The following SGCD variants were observed in gnomAD, a reference collection of about 807,000 sequenced individuals.
The protein encoded by SGCD is sarcoglycan delta, also known as delta-sarcoglycan.
Under a neutral mutation model 36.6 loss-of-function variants are expected in SGCD, and 18 were observed. The observed-to-expected ratio is 0.49, with a 90% CI of 0.34 to 0.73. The LOEUF (loss-of-function observed/expected upper bound fraction) is 0.73, where lower values mean the gene tolerates loss of function less well. Ranked by LOEUF, SGCD falls within the 30% of genes least tolerant of loss-of-function variation. The pLI, the probability that SGCD is intolerant of heterozygous loss-of-function variation, is 0.01. For missense variants in SGCD, 387 were observed against 346.7 expected, an observed-to-expected ratio of 1.12 and a Z score of -0.92; for synonymous variants, 133 against 130.6, an observed-to-expected ratio of 1.02 and a Z score of -0.12.
intron 7 of SGCD, among the ~76,000 whole-genome samples, chr5:156,737,288 T>C (rs1488352464): frequency 6.6e-6 from 1 of 150,988 alleles, no homozygotes; most frequent in Non-Finnish European, 1.5e-5. Flanking sequence ...AAGCATGGGT[T>C]CTAGTGATAG....
At position 156,212,520 on chromosome 5, in the gene SGCD, G is replaced by A. The variant is rs145512171; in HGVS notation, c.-44+88501G>A. On this transcript the variant is annotated intron_variant, in intron 3 of 9. Transcript: ENST00000517913. ...TGAAACAAATATTAATAGATCTGAA[G>A]GGAGAAATAGATTGCAATACAACAA... Among the ~76,000 whole-genome samples, 419 of 152,246 alleles carry A rather than the reference G, an allele frequency of 2.8e-3. 2 individuals are homozygous for A. Among genetic ancestry groups the A allele is most frequent in the African/African-American group, 9.9e-3 (411 of 41,558 alleles).
intron 3 of SGCD, among the ~76,000 whole-genome samples, chr5:156,151,326 G>A (rs1333409931): frequency 6.6e-6 from 1 of 151,634 alleles, no homozygotes; most frequent in Non-Finnish European, 1.5e-5. Context: ...GCACAACTGT[G>A]GGTAGATATT....
At chr5:156,399,795 T>C (rs886680075) in intron 3 of SGCD, among the ~76,000 whole-genome samples, 5 of 152,212 alleles carry the variant, frequency 3.3e-5, no homozygotes, top group Non-Finnish European at 7.3e-5. Context: ...TACTGGACTG[T>C]ACATCCTAGA....
chr5:156,603,603 C>A (rs989059579), intron 6 of SGCD, among the ~76,000 whole-genome samples: 1 of 151,944 alleles, frequency 6.6e-6, no homozygotes, highest in Non-Finnish European at 1.5e-5. Flanking sequence ...CAGGCTTTGG[C>A]ATGATGTGTT....
the SGCD span, among the ~76,000 whole-genome samples, chr5:155,768,427 GA>G: frequency 6.6e-6 from 1 of 152,084 alleles, no homozygotes; most frequent in African/African-American, 2.4e-5. Context: ...TACAATAAAG[GA>G]AAAGGAGCTT....
intron 3 of SGCD, among the ~76,000 whole-genome samples, chr5:156,240,669 G>T (rs972382723): frequency 2.0e-5 from 3 of 152,108 alleles, no homozygotes; most frequent in Non-Finnish European, 4.4e-5. Context: ...CAATTTGGCA[G>T]AGTGCTTCTT....
intron 7 of SGCD, among the ~76,000 whole-genome samples, chr5:156,715,739 A>T (rs1755192420): frequency 6.6e-6 from 1 of 152,208 alleles, no homozygotes; most frequent in African/African-American, 2.4e-5. Context: ...TGAAGTACAG[A>T]TAAACACCAG....
intron 1 of SGCD, among the ~76,000 whole-genome samples, chr5:155,986,572 G>A (rs1242819410): frequency 6.6e-6 from 1 of 152,174 alleles, no homozygotes; most frequent in East Asian, 1.9e-4. Context: ...AGGGGTAGGA[G>A]GGATATGGAT....
At chr5:155,864,626 T>C in the SGCD span, among the ~76,000 whole-genome samples, 1 of 152,230 alleles carries the variant, frequency 6.6e-6, no homozygotes, top group African/African-American at 2.4e-5. Flanking sequence ...ATAGAATTTG[T>C]ATACAGATTT....
intron 3 of SGCD, among the ~76,000 whole-genome samples, chr5:156,307,307 A>C (rs982386547): frequency 1.1e-4 from 16 of 152,092 alleles, no homozygotes; most frequent in Admixed American, 9.8e-4. Flanking sequence ...TGGCCTCCTA[A>C]AGTGCTGCAC....
At chr5:156,169,899 A>G (rs879802296) in intron 3 of SGCD, among the ~76,000 whole-genome samples, 8 of 152,190 alleles carry the variant, frequency 5.3e-5, no homozygotes, top group South Asian at 2.1e-4. Flanking sequence ...AGAGCCTTAT[A>G]GGCTTTGGCA....
chr5:156,452,104 C>T (rs1056314694), intron 3 of SGCD, among the ~76,000 whole-genome samples: 1 of 152,082 alleles, frequency 6.6e-6, no homozygotes, highest in East Asian at 1.9e-4. Flanking sequence ...TGCTGGTCAC[C>T]CCATGTAGTT....
chr5:156,087,670 T>A (rs1761136322), intron 1 of SGCD, among the ~76,000 whole-genome samples: 2 of 151,620 alleles, frequency 1.3e-5, no homozygotes, highest in Admixed American at 1.3e-4. Flanking sequence ...AACTAGTTCC[T>A]TCTGATTTTG....
At chr5:156,413,131 C>G (rs775073038) in intron 3 of SGCD, among the ~76,000 whole-genome samples, 22 of 152,038 alleles carry the variant, frequency 1.4e-4, no homozygotes, top group Non-Finnish European at 2.8e-4. Flanking sequence ...GAGGACACAG[C>G]CTTATAGAGT....
At chr5:156,135,938 A>T (rs1561534356) in intron 3 of SGCD, among the ~76,000 whole-genome samples, 1 of 152,102 alleles carries the variant, frequency 6.6e-6, no homozygotes, top group Non-Finnish European at 1.5e-5. Flanking sequence ...TAACATTTTG[A>T]TGTCATTATT....
intron 3 of SGCD, among the ~76,000 whole-genome samples, chr5:156,197,606 A>G (rs1443470152): frequency 1.3e-5 from 2 of 152,008 alleles, no homozygotes; most frequent in African/African-American, 4.8e-5. Context: ...CAAGAGGATG[A>G]AGCACCATAT....
intron 1 of SGCD, among the ~76,000 whole-genome samples, chr5:155,886,364 A>C (rs1755998910): frequency 6.6e-6 from 1 of 152,210 alleles, no homozygotes; most frequent in South Asian, 2.1e-4. Flanking sequence ...CACACCATTC[A>C]GAGAATTCAA....
chr5:156,440,445 C>G (rs1056623384), intron 3 of SGCD, among the ~76,000 whole-genome samples: 2 of 152,090 alleles, frequency 1.3e-5, no homozygotes. Context: ...GTACACATTT[C>G]TGTATGGCAT....
chr5:155,757,328 A>G, the SGCD span, among the ~76,000 whole-genome samples: 4 of 152,168 alleles, frequency 2.6e-5, no homozygotes, highest in Non-Finnish European at 5.9e-5. Context: ...ATTCTAACTG[A>G]TTTAATTCTT....
Sources: gnomAD v4.1 joint callset for allele counts (sites outside exome capture counted in the v4.1 genomes callset) on GRCh38, gnomAD v4.1.1 for gene constraint, MANE v1.5 for transcripts, NCBI Gene and HGNC (gene_info 2026-07-23, HGNC 2026-07-21) for gene names.